The following PLCB1 variants were observed in gnomAD, a reference collection of about 807,000 sequenced individuals.
The protein encoded by PLCB1 is phospholipase C beta 1.
A neutral mutation model predicts 161.8 loss-of-function variants in PLCB1; 46 were observed. That is an observed-to-expected ratio of 0.28 (90% CI 0.22 to 0.36). The LOEUF (loss-of-function observed/expected upper bound fraction) is 0.36. PLCB1 is among the 10% of genes least tolerant of loss of function. The pLI, the probability that PLCB1 is intolerant of heterozygous loss-of-function variation, is 1.00. For synonymous variants in PLCB1, 517 were observed against 503.7 expected (o/e 1.03, Z -0.35); for missense variants, 1,016 against 1,472.5 (o/e 0.69, Z 5.07).
At chr20:8,202,191 C>T (rs1462299394) in intron 2 of PLCB1, among the ~76,000 whole-genome samples, 4 of 151,890 alleles carry the variant, frequency 2.6e-5, no homozygotes, top group Non-Finnish European at 5.9e-5. Flanking sequence ...ATTCTCATGC[C>T]TCAGCCTTGT....
At chr20:8,577,151 C>G (rs911296229) in intron 3 of PLCB1, among the ~76,000 whole-genome samples, 3 of 151,934 alleles carry the variant, frequency 2.0e-5, no homozygotes, top group Non-Finnish European at 4.4e-5. Flanking sequence ...GTCTTGAGGC[C>G]GGATGCGGTG....
At chr20:8,509,414 G>T (rs1983777883) in intron 3 of PLCB1, among the ~76,000 whole-genome samples, 1 of 152,182 alleles carries the variant, frequency 6.6e-6, no homozygotes, top group African/African-American at 2.4e-5. Flanking sequence ...TTTTCCATGT[G>T]CTTTGAAAAT....
At chr20:8,755,639 C>T (rs1051854316) in intron 23 of PLCB1, among the ~76,000 whole-genome samples, 5 of 152,122 alleles carry the variant, frequency 3.3e-5, no homozygotes, top group African/African-American at 4.8e-5. Context: ...GAAGATTTTA[C>T]GTTTCAATGC....
At chr20:8,286,878 T>C (rs1983146017) in intron 2 of PLCB1, among the ~76,000 whole-genome samples, 1 of 152,138 alleles carries the variant, frequency 6.6e-6, no homozygotes, top group South Asian at 2.1e-4. Context: ...AGTATCATGG[T>C]TTTGGCCTGG....
chr20:8,423,728 C>A (rs369190116), intron 3 of PLCB1, among the ~76,000 whole-genome samples: 2 of 152,136 alleles, frequency 1.3e-5, no homozygotes, highest in African/African-American at 4.8e-5. Flanking sequence ...GCAATTTATA[C>A]TATGACTGGG....
chr20:8,141,624 A>G (rs1418341791), intron 1 of PLCB1, among the ~76,000 whole-genome samples: 1 of 81,306 alleles, frequency 1.2e-5, no homozygotes, highest in Non-Finnish European at 2.2e-5. Flanking sequence ...GATACTCCGA[A>G]AAAAAAAAAA....
chr20:8,341,872 A>G (rs6086412), intron 2 of PLCB1, among the ~76,000 whole-genome samples: 1 of 152,108 alleles, frequency 6.6e-6, no homozygotes, highest in Admixed American at 6.5e-5. Context: ...CATTTTTTGT[A>G]TGTGTAAACT....
chr20:8,545,422 G>A lies in PLCB1; in HGVS notation c.247-82872G>A, dbSNP rs529875881. 5.9e-5 allele frequency among the ~76,000 whole-genome samples: 9 copies of A among 152,298 alleles called. No individual in the cohort carries two copies. In the South Asian group the frequency reaches 6.2e-4, roughly 11 times the overall value. ...CTGGAGGTTTCTGAGCAGAAGCGTC[G>A]TATGACTCAAAGTGTGTCAGCGGAA... On this transcript the variant is annotated intron_variant, in intron 3 of 31. Transcript: ENST00000338037.
intron 3 of PLCB1, among the ~76,000 whole-genome samples, chr20:8,444,842 G>T (rs1024470087): frequency 3.3e-5 from 5 of 151,368 alleles, no homozygotes; most frequent in Non-Finnish European, 5.9e-5. Flanking sequence ...CTGCATAAAT[G>T]TCTTCTTTTG....
intron 3 of PLCB1, among the ~76,000 whole-genome samples, chr20:8,554,807 A>G (rs1985896316): frequency 6.6e-6 from 1 of 152,132 alleles, no homozygotes; most frequent in South Asian, 2.1e-4. Flanking sequence ...TTCTTGCTTA[A>G]TAATATTAGT....
chr20:8,162,308 T>G (rs146270222), intron 2 of PLCB1, among the ~76,000 whole-genome samples: 2 of 152,332 alleles, frequency 1.3e-5, no homozygotes, highest in East Asian at 3.9e-4. Flanking sequence ...CACCCTTGAA[T>G]GAGTGAATGT....
rs552410261 is a variant in PLCB1 at position 8,553,076 on chromosome 20, A to G, written c.247-75218A>G. Among the ~76,000 whole-genome samples, 8 of 152,286 alleles carry G rather than the reference A, an allele frequency of 5.3e-5. No homozygotes were observed. The East Asian group carries it at 1.5e-3, about 29-fold the overall frequency. On this transcript the variant is annotated intron_variant, in intron 3 of 31. Coordinates refer to ENST00000338037, the MANE Select transcript of PLCB1 (RefSeq NM_015192.4). The stretch of plus-strand genomic sequence containing the variant: ...GCTGCATTATAAAGAACAGGGCTGA[A>G]GATTTATAAGTTGAATTTTGTTGCA...
intron 3 of PLCB1, among the ~76,000 whole-genome samples, chr20:8,501,766 C>A (rs1983417414): frequency 6.6e-6 from 1 of 151,138 alleles, no homozygotes; most frequent in Non-Finnish European, 1.5e-5. Flanking sequence ...AGTCTTAAGG[C>A]CTTAACATGT....
intron 2 of PLCB1, among the ~76,000 whole-genome samples, chr20:8,164,289 G>T (rs1340984725): frequency 6.6e-6 from 1 of 152,140 alleles, no homozygotes; most frequent in African/African-American, 2.4e-5. Flanking sequence ...TTGGTTGAAT[G>T]AATGGGATTA....
At chr20:8,566,310 TCA>T (rs1246931584) in intron 3 of PLCB1, among the ~76,000 whole-genome samples, 5 of 152,164 alleles carry the variant, frequency 3.3e-5, no homozygotes, top group Admixed American at 1.3e-4. Context: ...ACGAATCATC[TCA>T]GTTTCTATCG....
intron 3 of PLCB1, among the ~76,000 whole-genome samples, chr20:8,533,480 A>G (rs1984906676): frequency 6.6e-6 from 1 of 152,134 alleles, no homozygotes; most frequent in East Asian, 1.9e-4. Flanking sequence ...AGTCCCACCA[A>G]CAGTGTAAAA....
rs151226000 is a variant in PLCB1, at chr20:8,738,036, C to T, written c.2208+844C>T. ...AACAATACATTTTTAAAGAGATAGT[C>T]GACTTCATGTTCTTGACATAAGATA... On this transcript the variant is annotated intron_variant, in intron 20 of 31. Coordinates refer to ENST00000338037, the MANE Select transcript of PLCB1 (RefSeq NM_015192.4). 1.5e-3 allele frequency among the ~76,000 whole-genome samples: 222 copies of T among 152,198 alleles called. 1 individual carries two copies. Among genetic ancestry groups the T allele is most frequent in the African/African-American group, 5.2e-3 (214 of 41,534 alleles).
chr20:8,814,345 A>T (rs1454432986), intron 31 of PLCB1, among the ~76,000 whole-genome samples: 2 of 152,184 alleles, frequency 1.3e-5, no homozygotes, highest in Non-Finnish European at 2.9e-5. Context: ...GAGAAACCTA[A>T]ATATTACATT....
chr20:8,322,839 A>G (rs540714606), intron 2 of PLCB1, among the ~76,000 whole-genome samples: 1 of 152,316 alleles, frequency 6.6e-6, no homozygotes, highest in Non-Finnish European at 1.5e-5. Flanking sequence ...TTCATCTGTC[A>G]GAGGAAAGGA....
Sources: allele counts gnomAD v4.1 joint callset (sites outside exome capture counted in the v4.1 genomes callset), GRCh38; gene constraint gnomAD v4.1.1; transcripts MANE v1.5; gene names NCBI Gene and HGNC (gene_info 2026-07-23, HGNC 2026-07-21).